ADAMTSL1: variants seen among roughly 807,000 people sequenced by gnomAD.
ADAMTSL1 encodes ADAMTS like 1.
Under a neutral mutation model 201.8 loss-of-function variants are expected in ADAMTSL1, and 126 were observed. That is an observed-to-expected ratio of 0.62 (90% CI 0.54 to 0.72). The LOEUF (loss-of-function observed/expected upper bound fraction) is 0.72. Ranked by LOEUF, ADAMTSL1 falls within the 30% of genes least tolerant of loss-of-function variation. ADAMTSL1 has a pLI of 0.00. For missense variants in ADAMTSL1, 2,679 were observed against 2,277.8 expected, an observed-to-expected ratio of 1.18 and a Z score of -3.59; for synonymous variants, 1,121 against 903.4, an observed-to-expected ratio of 1.24 and a Z score of -4.32.
intron 1 of ADAMTSL1, among the ~76,000 whole-genome samples, chr9:18,148,151 G>C (rs973923882): frequency 1.3e-5 from 2 of 151,936 alleles, no homozygotes; most frequent in African/African-American, 4.8e-5. Flanking sequence ...ACAAAAACCT[G>C]ACAAACTTTT....
intron 15 of ADAMTSL1, among the ~76,000 whole-genome samples, chr9:18,743,387 G>A (rs1481311397): frequency 6.6e-6 from 1 of 152,182 alleles, no homozygotes; most frequent in African/African-American, 2.4e-5. Flanking sequence ...CTTGCTGCAA[G>A]TGCCATTTTT....
intron 2 of ADAMTSL1, among the ~76,000 whole-genome samples, chr9:18,208,540 T>C (rs539468953): frequency 5.9e-5 from 9 of 152,288 alleles, no homozygotes; most frequent in South Asian, 2.1e-4. Context: ...TTGATTTTAC[T>C]TGGAAGACAC....
intron 2 of ADAMTSL1, among the ~76,000 whole-genome samples, chr9:18,286,069 A>G (rs770187263): frequency 6.6e-6 from 1 of 152,020 alleles, no homozygotes; most frequent in Non-Finnish European, 1.5e-5. Context: ...TTACACCTGT[A>G]TTTGTTTTGC....
chr9:18,499,066 C>G (rs1320524682), intron 1 of ADAMTSL1, among the ~76,000 whole-genome samples: 1 of 152,266 alleles, frequency 6.6e-6, no homozygotes, highest in African/African-American at 2.4e-5. Context: ...AGCTTTTACA[C>G]CCTGTTACAG....
At chr9:17,961,985 A>G (rs1486159791) in intron 1 of ADAMTSL1, among the ~76,000 whole-genome samples, 1 of 152,228 alleles carries the variant, frequency 6.6e-6, no homozygotes. Flanking sequence ...TTTGTGGTGT[A>G]GAGACACATT....
chr9:17,940,810 C>CCA (rs1554667548), intron 1 of ADAMTSL1, among the ~76,000 whole-genome samples: 1 of 64,462 alleles, frequency 1.6e-5, no homozygotes, highest in East Asian at 2.2e-3. Context: ...ACACCCCCCC[C>CCA]CCAAAAAAAA....
rs538141662 is a variant in ADAMTSL1 at position 18,171,283 on chromosome 9, C to G, written c.207+7302C>G. ...TGGTAAAGGATGTAATAAATGGTTA[C>G]ATAAAAACAAATTTCAGACATATTA... On this transcript the variant is annotated intron_variant, in intron 2 of 29. Coordinates refer to the ADAMTSL1 transcript ENST00000680146. 2.0e-5 allele frequency among the ~76,000 whole-genome samples: 3 copies of G among 151,936 alleles called. No homozygotes were observed. In the East Asian group the frequency reaches 5.8e-4, roughly 30 times the overall value.
intron 1 of ADAMTSL1, among the ~76,000 whole-genome samples, chr9:18,061,286 T>C (rs1822444450): frequency 6.6e-6 from 1 of 152,194 alleles, no homozygotes; most frequent in Admixed American, 6.5e-5. Context: ...AATGCTCTGA[T>C]GGTTAAGGTC....
chr9:18,755,112 T>A (rs1819677813), intron 16 of ADAMTSL1, among the ~76,000 whole-genome samples: 1 of 152,222 alleles, frequency 6.6e-6, no homozygotes, highest in South Asian at 2.1e-4. Flanking sequence ...GGATTAAACA[T>A]GAGCACTTTT....
intron 2 of ADAMTSL1, among the ~76,000 whole-genome samples, chr9:18,169,503 G>A: frequency 6.6e-6 from 1 of 152,134 alleles, no homozygotes; most frequent in Middle Eastern, 3.2e-3. Flanking sequence ...TTTGGTACCA[G>A]TACCATGCTG....
At chr9:17,915,931 T>A (rs1365485101) in intron 1 of ADAMTSL1, among the ~76,000 whole-genome samples, 1 of 150,122 alleles carries the variant, frequency 6.7e-6, no homozygotes, top group Non-Finnish European at 1.5e-5. Flanking sequence ...GGCTGTGAAT[T>A]TTTTTTTTTT....
intron 2 of ADAMTSL1, among the ~76,000 whole-genome samples, chr9:18,217,051 C>A (rs1223172932): frequency 6.6e-6 from 1 of 151,938 alleles, no homozygotes; most frequent in Non-Finnish European, 1.5e-5. Context: ...AGGACATGAG[C>A]TTTAAATAAG....
chr9:18,635,253 T>A (rs1253255368), intron 5 of ADAMTSL1, among the ~76,000 whole-genome samples: 4 of 152,188 alleles, frequency 2.6e-5, no homozygotes, highest in African/African-American at 9.6e-5. Flanking sequence ...ATAGCTCTAA[T>A]TTTTAAAAAT....
chr9:18,521,930 G>A (rs1247525277), intron 2 of ADAMTSL1, among the ~76,000 whole-genome samples: 2 of 152,146 alleles, frequency 1.3e-5, no homozygotes, highest in East Asian at 3.8e-4. Context: ...AAGACCACAA[G>A]TAACCATCTC....
intron 1 of ADAMTSL1, among the ~76,000 whole-genome samples, chr9:18,107,739 C>G (rs1461570957): frequency 1.3e-5 from 2 of 152,110 alleles, no homozygotes; most frequent in Non-Finnish European, 2.9e-5. Flanking sequence ...TTTTTTACCC[C>G]AAACATTAAA....
intron 21 of ADAMTSL1, chr9:18,825,990 A>G (rs1047949625): frequency 4.3e-5 from 24 of 552,828 alleles, no homozygotes; most frequent in African/African-American, 4.1e-4. Context: ...TCCTCTTTGT[A>G]CTGGCCTCCC....
rs372622999 is a variant in ADAMTSL1 at position 18,706,898 on chromosome 9, C to A, written c.1726C>A (p.Arg576Ser). Residue 576 changes from arginine to serine, a missense_variant, in exon 14 of 29, where the codon CGT (arginine) becomes AGT (serine). Arg to Ser is a moderately radical substitution (Grantham distance 110). Coordinates refer to ENST00000380548, the MANE Select transcript of ADAMTSL1 (RefSeq NM_001040272.6). ...ECEGPKPASQRACYAGPCSGE... is the reference protein window; with the variant it reads ...ECEGPKPASQSACYAGPCSGE... Reference sequence around the variant, plus strand: ...TGAAGGGCCCAAGCCAGCATCCCAGCGTGCCTGTTATGCAGGCCCATGCAG... The same window carrying A: ...TGAAGGGCCCAAGCCAGCATCCCAGAGTGCCTGTTATGCAGGCCCATGCAG... The A allele has an allele frequency of 5.0e-6, 8 of 1,613,816 alleles. No homozygotes were observed. Among genetic ancestry groups the A allele is most frequent in the African/African-American group, 2.7e-5 (2 of 74,928 alleles).
chr9:18,264,820 G>C (rs1832056193), intron 2 of ADAMTSL1, among the ~76,000 whole-genome samples: 1 of 152,150 alleles, frequency 6.6e-6, no homozygotes, highest in South Asian at 2.1e-4. Context: ...TGGAGGCTCT[G>C]GACTCAGATT....
chr9:18,628,545 T>C (rs1401415495), intron 5 of ADAMTSL1, among the ~76,000 whole-genome samples: 1 of 152,212 alleles, frequency 6.6e-6, no homozygotes, highest in Non-Finnish European at 1.5e-5. Context: ...AAATTCATTT[T>C]GGCTATTCTA....
Sources: gnomAD v4.1 joint callset for allele counts (sites outside exome capture counted in the v4.1 genomes callset) on GRCh38, gnomAD v4.1.1 for gene constraint, MANE v1.5 for transcripts, NCBI Gene and HGNC (gene_info 2026-07-23, HGNC 2026-07-21) for gene names.